Variants in CNTN4 observed in about 807,000 individuals in gnomAD.
The protein encoded by CNTN4 is contactin-4.
CNTN4 carries 77 observed loss-of-function variants against 122.5 expected under a neutral mutation model. The observed-to-expected ratio is 0.63, with a 90% CI of 0.52 to 0.76. CNTN4 has a LOEUF of 0.76. Ranked by LOEUF, CNTN4 falls within the 30% of genes least tolerant of loss-of-function variation. The pLI, the probability that CNTN4 is intolerant of heterozygous loss-of-function variation, is 0.00. For synonymous variants in CNTN4, 512 were observed against 447.0 expected, an observed-to-expected ratio of 1.15 and a Z score of -1.83; for missense variants, 1,256 against 1,259.1, an observed-to-expected ratio of 1.00 and a Z score of 0.04.
intron 7 of CNTN4, among the ~76,000 whole-genome samples, chr3:2,837,579 C>T (rs1191800880): frequency 8.5e-5 from 13 of 152,152 alleles, no homozygotes; most frequent in Admixed American, 7.9e-4. Flanking sequence ...CATATAACCA[C>T]CCCCGTTCCC....
chr3:2,521,343 T>TCCCCCCCCCCCCCCCCC (rs5846190), intron 3 of CNTN4, among the ~76,000 whole-genome samples: 6 of 128,310 alleles, frequency 4.7e-5, no homozygotes, highest in African/African-American at 1.3e-4. Flanking sequence ...CCTCTACCCA[T>TCCCCCCCCCCCCCCCCC]CCCCCCCACC....
chr3:2,471,994 T>C (rs912435594), intron 3 of CNTN4, among the ~76,000 whole-genome samples: 6 of 152,200 alleles, frequency 3.9e-5, no homozygotes, highest in African/African-American at 1.4e-4. Flanking sequence ...TACCTAGAAT[T>C]GTAAACAAGA....
At chr3:2,174,048 C>T (rs377403912) in intron 2 of CNTN4, among the ~76,000 whole-genome samples, 1 of 152,090 alleles carries the variant, frequency 6.6e-6, no homozygotes, top group Non-Finnish European at 1.5e-5. Flanking sequence ...GCATCAGGTA[C>T]AAGCTAAATG....
intron 4 of CNTN4, among the ~76,000 whole-genome samples, chr3:2,652,202 A>G (rs978165203): frequency 1.3e-5 from 2 of 152,118 alleles, no homozygotes; most frequent in African/African-American, 4.8e-5. Context: ...AGCCTGGGCA[A>G]CAGAGCAAGA....
At chr3:2,255,099 C>T (rs1348706490) in intron 2 of CNTN4, among the ~76,000 whole-genome samples, 1 of 152,208 alleles carries the variant, frequency 6.6e-6, no homozygotes, top group Admixed American at 6.5e-5. Flanking sequence ...CAGTTTTCTG[C>T]TTACGGCTAG....
At chr3:2,283,667 G>A (rs905451474) in intron 2 of CNTN4, among the ~76,000 whole-genome samples, 14 of 152,212 alleles carry the variant, frequency 9.2e-5, no homozygotes, top group Admixed American at 9.2e-4. Flanking sequence ...AACAATATGA[G>A]CAGTAAGAAC....
At position 2,809,720 on chromosome 3, in the gene CNTN4, G is replaced by A. The variant is rs141892735; in HGVS notation, c.359-9766G>A. Among the ~76,000 whole-genome samples, 34 of 152,278 alleles carry A rather than the reference G, an allele frequency of 2.2e-4. No individual in the cohort carries two copies. The East Asian group carries it at 5.6e-3, about 25-fold the overall frequency. On this transcript the variant is annotated intron_variant, in intron 6 of 24. Transcript: ENST00000418658. ...TAATAGCTTGCATGTTAGGGCACCC[G>A]TCTCCGAAGGAGAACAACATTATTA...
intron 14 of CNTN4, among the ~76,000 whole-genome samples, chr3:3,017,252 GT>G (rs1381505212): frequency 1.3e-5 from 2 of 152,182 alleles, no homozygotes. Flanking sequence ...ACTAGCCTAT[GT>G]TTTAAAACTG....
At chr3:3,008,909 A>ATTCTAGGGAATC in intron 14 of CNTN4, 1 of 980,626 alleles carries the variant, frequency 1.0e-6, no homozygotes, top group Non-Finnish European at 1.2e-6. Context: ...AACCACCAAG[A>ATTCTAGGGAATC]TCTAATAAGC....
At chr3:2,234,470 T>C (rs1010252674) in intron 2 of CNTN4, among the ~76,000 whole-genome samples, 3 of 151,934 alleles carry the variant, frequency 2.0e-5, no homozygotes, top group African/African-American at 7.2e-5. Context: ...ATCTCATTTA[T>C]ATACAGAGCT....
intron 3 of CNTN4, among the ~76,000 whole-genome samples, chr3:2,529,177 T>C (rs1230337536): frequency 2.0e-5 from 3 of 152,186 alleles, no homozygotes; most frequent in South Asian, 2.1e-4. Context: ...TTTTCTTAGC[T>C]TCTACACAGG....
chr3:2,284,171 G>A (rs1438339641), intron 2 of CNTN4, among the ~76,000 whole-genome samples: 1 of 152,128 alleles, frequency 6.6e-6, no homozygotes, highest in Non-Finnish European at 1.5e-5. Flanking sequence ...TAAAGAAAGT[G>A]AAGAAATGGT....
intron 13 of CNTN4, among the ~76,000 whole-genome samples, chr3:2,982,500 C>T (rs946285542): frequency 6.6e-6 from 1 of 152,178 alleles, no homozygotes; most frequent in African/African-American, 2.4e-5. Context: ...CTCTCTTTCT[C>T]TTGGGCTCTG....
intron 2 of CNTN4, among the ~76,000 whole-genome samples, chr3:2,272,974 G>A (rs1015706925): frequency 5.3e-5 from 8 of 152,142 alleles, no homozygotes; most frequent in Admixed American, 6.6e-5. Context: ...AAAGCCCTGC[G>A]TCTTGAGGTA....
intron 3 of CNTN4, among the ~76,000 whole-genome samples, chr3:2,441,015 A>C (rs2048421565): frequency 6.6e-6 from 1 of 151,486 alleles, no homozygotes; most frequent in Non-Finnish European, 1.5e-5. Context: ...ATATATATAA[A>C]GGTTAAATGA....
At chr3:3,015,169 A>G (rs1697630372) in intron 14 of CNTN4, among the ~76,000 whole-genome samples, 1 of 152,210 alleles carries the variant, frequency 6.6e-6, no homozygotes, top group Non-Finnish European at 1.5e-5. Context: ...CAGGAAGAAG[A>G]GTCTCTTTTA....
At chr3:2,359,058 C>T (rs1029744782) in intron 3 of CNTN4, among the ~76,000 whole-genome samples, 3 of 152,126 alleles carry the variant, frequency 2.0e-5, no homozygotes, top group Non-Finnish European at 4.4e-5. Context: ...AGCCTTTTCG[C>T]CTCATCCAAG....
intron 2 of CNTN4, among the ~76,000 whole-genome samples, chr3:2,215,719 A>G (rs2038807513): frequency 6.6e-6 from 1 of 151,880 alleles, no homozygotes; most frequent in Non-Finnish European, 1.5e-5. Flanking sequence ...CGTCTCTACT[A>G]AAAATACAAA....
At chr3:2,292,586 T>C (rs2042172554) in intron 2 of CNTN4, among the ~76,000 whole-genome samples, 1 of 152,110 alleles carries the variant, frequency 6.6e-6, no homozygotes, top group African/African-American at 2.4e-5. Context: ...TAGTCTCCAC[T>C]GTACCCCAGG....
Sources: gnomAD v4.1 joint callset for allele counts (sites outside exome capture counted in the v4.1 genomes callset) on GRCh38, gnomAD v4.1.1 for gene constraint, MANE v1.5 for transcripts, NCBI Gene and HGNC (gene_info 2026-07-23, HGNC 2026-07-21) for gene names.